Variants in RPUSD4 observed in about 807,000 individuals in gnomAD.
RPUSD4 encodes pseudouridylate synthase RPUSD4, mitochondrial.
RPUSD4 carries 37 observed loss-of-function variants against 35.4 expected under a neutral mutation model. The observed-to-expected ratio is 1.04, with a 90% CI of 0.80 to 1.37. The LOEUF (loss-of-function observed/expected upper bound fraction) is 1.37, where lower values mean the gene tolerates loss of function less well. Ranked by LOEUF, RPUSD4 falls within the 40% of genes most tolerant of loss-of-function variation. The probability of loss-of-function intolerance (pLI) is 0.00; values close to 1 mark genes in which losing one functional copy is unlikely to be tolerated. For synonymous variants in RPUSD4, 210 were observed against 192.7 expected (o/e 1.09, Z -0.74); for missense variants, 507 against 484.9 (o/e 1.05, Z -0.43).
chr11:126,209,480 T>A, intron 3 of RPUSD4, 41 bp downstream of exon 3: 1 of 1,534,490 alleles, frequency 6.5e-7, no homozygotes, highest in Admixed American at 1.8e-5. Context: ...AAGAAATGCC[T>A]CCACTTATAC....
At chr11:126,208,632 A>G (rs1949800781) in intron 3 of RPUSD4, 1 of 152,276 alleles carries the variant, frequency 6.6e-6, no homozygotes, top group Non-Finnish European at 1.5e-5. Context: ...AGTATAATGT[A>G]AATTGTACAA....
rs777725298 is a variant in RPUSD4, at chr11:126,205,632, GAT to G, written c.652-22_652-21del. ...TGTCATCTGAAGCCAAAGAAATCAA[GAT>G]ATGATTCCCAAGGAAGAGCAGCAAC... On this transcript the variant is annotated intron_variant, in intron 4 of 6. Transcript: ENST00000298317. 3 of 1,613,852 alleles carry G rather than the reference GAT, an allele frequency of 1.9e-6. No homozygotes were observed. Among genetic ancestry groups the G allele is most frequent in the Admixed American group, 3.3e-5 (2 of 60,010 alleles).
At chr11:126,206,359 C>T (rs1190319865) in intron 3 of RPUSD4, 1 of 151,888 alleles carries the variant, frequency 6.6e-6, no homozygotes, top group African/African-American at 2.4e-5. Flanking sequence ...CAAGACCAGC[C>T]TGGCCAACAT....
chr11:126,210,864 C>G (rs757239727), intron 2 of RPUSD4, 26 bp downstream of exon 2: 3 of 1,601,196 alleles, frequency 1.9e-6, no homozygotes, highest in Non-Finnish European at 1.7e-6. Context: ...CTGCAGGTTC[C>G]TCCACCTTTC....
chr11:126,211,628 G>C lies in RPUSD4; in HGVS notation c.11C>G (p.Pro4Arg). 6.2e-7 allele frequency: 1 copy of C among 1,612,806 alleles called. No individual in the cohort carries two copies. Residue 4 changes from proline to arginine, a missense_variant, in exon 1 of 7, where the codon CCC becomes CGC. By Grantham distance (103) the Pro-to-Arg change is moderately radical (BLOSUM62 -2). Transcript: ENST00000298317. The stretch of plus-strand genomic sequence containing the variant: ...CCAGGGGCCCGACGCGCTCCACCTG[G>C]GCGCCGCCATCTTACAAGGAAGGGC... MAA[P>R]RWSASGPWIR...
Position 126,205,552 on chromosome 11 carries a change from G to A in RPUSD4, c.712C>T (p.Arg238Trp), listed in dbSNP as rs1456455681. Residue 238 changes from arginine (R) to tryptophan (W), a missense_variant, in exon 5 of 7, where the codon CGG becomes TGG. Transcript: ENST00000298317. ...TGAGTTACAGCAACTTGCGCATTCC[G>A]GCTGCGCCGCACTTTCACCATTTTC... The part of the protein sequence containing the change: ...DGKMVKVRRS[R>W]NAQVAVTQYQ... The A allele has an allele frequency of 6.8e-6, 11 of 1,614,150 alleles. No individual in the cohort carries two copies. Among genetic ancestry groups the A allele is most frequent in the Admixed American group, 1.7e-5 (1 of 60,002 alleles).
At chr11:126,210,553 CCT>C (rs1949843507) in intron 2 of RPUSD4, among the ~76,000 whole-genome samples, 1 of 67,642 alleles carries the variant, frequency 1.5e-5, no homozygotes, top group South Asian at 6.3e-4. Flanking sequence ...ACACACACCC[CCT>C]TTTTTCTTAT....
At chr11:126,208,359 G>A (rs1949796289) in intron 3 of RPUSD4, among the ~76,000 whole-genome samples, 2 of 152,172 alleles carry the variant, frequency 1.3e-5, no homozygotes, top group African/African-American at 4.8e-5. Context: ...TAAGATATAT[G>A]ATCCAAGTGA....
At chr11:126,208,200 T>G (rs1347461444) in intron 3 of RPUSD4, among the ~76,000 whole-genome samples, 2 of 152,166 alleles carry the variant, frequency 1.3e-5, no homozygotes, top group African/African-American at 4.8e-5. Flanking sequence ...AGCGATTCAA[T>G]TTTTAGAAAT....
chr11:126,203,671 G>C lies in RPUSD4; in HGVS notation c.895-14C>G, dbSNP rs558519166. 8 of 1,604,838 alleles carry C rather than the reference G, an allele frequency of 5.0e-6. No individual in the cohort carries two copies. The highest frequency in any genetic ancestry group is 5.1e-6 in the Non-Finnish European group (6 of 1,173,386). On this transcript the variant is annotated splice_polypyrimidine_tract_variant and intron_variant, in intron 6 of 6. Transcript: ENST00000298317. ...CACAGACAGCTTCTATACAAAGAAA[G>C]GACAGACCCTTGAGAGCAAGGCCAA...
chr11:126,204,279 T>C lies in RPUSD4; in HGVS notation c.846A>G (p.Pro282=). 1 of 1,613,836 alleles carries C rather than the reference T, an allele frequency of 6.2e-7. No individual in the cohort carries two copies. Among genetic ancestry groups the C allele is most frequent in the Non-Finnish European group, 8.5e-7 (1 of 1,179,972 alleles). The change falls in exon 6 of 7, where the codon CCA becomes CCG. Residue 282 remains proline, a synonymous_variant. Coordinates refer to ENST00000298317, the MANE Select transcript of RPUSD4 (RefSeq NM_032795.3). ...CTGAGTACTTGTGATCACCAAGGAT[T>C]GGACAATCCAATCCAAAAGACAAGT... is the stretch of plus-strand genomic sequence containing the variant. ...RVHLSFGLDC[P]ILGDHKYSDW...
chr11:126,210,956 G>C lies in RPUSD4; in HGVS notation c.289C>G (p.Arg97Gly), dbSNP rs200939674. The C allele has an allele frequency of 6.2e-7, 1 of 1,614,018 alleles. No individual in the cohort carries two copies. ...HPNVLAKALT[R>G]GILHQDKNLV... is the part of the protein sequence containing the mutation. The stretch of plus-strand genomic sequence containing the variant: ...TTCTTGTCCTGGTGGAGAATTCCTC[G>C]GGTCAGTGCCTTAGCAAGCACGTTG... Residue 97 changes from arginine (R) to glycine (G), a missense_variant, in exon 2 of 7, where the codon CGA (arginine) becomes GGA (glycine). Arg to Gly is a moderately radical substitution (Grantham distance 125). Coordinates refer to ENST00000298317, the MANE Select transcript of RPUSD4 (RefSeq NM_032795.3).
chr11:126,209,489 A>G (rs939867899), intron 3 of RPUSD4, 32 bp downstream of exon 3: 1 of 1,576,730 alleles, frequency 6.3e-7, no homozygotes, highest in Non-Finnish European at 8.7e-7. Flanking sequence ...CTCCACTTAT[A>G]CCACCTCTAC....
At chr11:126,207,162 A>G (rs1357674665) in intron 3 of RPUSD4, among the ~76,000 whole-genome samples, 4 of 152,236 alleles carry the variant, frequency 2.6e-5, no homozygotes, top group African/African-American at 9.6e-5. Flanking sequence ...TTATTTAACT[A>G]TCTCATAAAT....
At chr11:126,211,230 G>A in intron 1 of RPUSD4, 175 bp from the exon 2 acceptor site, 2 of 927,626 alleles carry the variant, frequency 2.2e-6, no homozygotes, top group Non-Finnish European at 3.3e-6. Context: ...GCGTACCGAC[G>A]CAGTGGTTAG....
At position 126,203,600 on chromosome 11, in the gene RPUSD4, T is replaced by C. The variant is rs1192855075; in HGVS notation, c.952A>G (p.Ile318Val). The C allele has an allele frequency of 1.9e-6, 3 of 1,614,182 alleles. No individual in the cohort carries two copies. The highest frequency in any genetic ancestry group is 1.3e-5 in the African/African-American group (1 of 75,046). Residue 318 changes from isoleucine (I) to valine (V), a missense_variant, in exon 7 of 7, where the codon ATC becomes GTC. Coordinates refer to ENST00000298317, the MANE Select transcript of RPUSD4 (RefSeq NM_032795.3). The stretch of plus-strand genomic sequence containing the variant: ...TGCCGGGCGTGCAGGTGAAGGGGGA[T>C]GTAGCGGGCCTTCGACTGTTCTAGC... ...LGLEQSKARY[I>V]PLHLHARQLI...
chr11:126,205,503 A>G lies in RPUSD4; in HGVS notation c.761T>C (p.Leu254Pro). Residue 254 changes from leucine to proline, a missense_variant, in exon 5 of 7, where the codon CTC (leucine) becomes CCC (proline). Leu to Pro is a moderately conservative substitution (Grantham distance 98). Transcript: ENST00000298317. ...CTGGAGCTCCACGAGGGCGGAGGAG[A>G]GAGTGCTGCTGAGCACCTGGTACTG... ...VTQYQVLSSTLSSALVELQPI... is the reference protein window; with the variant it reads ...VTQYQVLSSTPSSALVELQPI... 1.9e-6 allele frequency: 3 copies of G among 1,614,258 alleles called. No homozygotes were observed. The highest frequency in any genetic ancestry group is 2.5e-6 in the Non-Finnish European group (3 of 1,180,050).
chr11:126,211,603 C>G lies in RPUSD4; in HGVS notation c.36G>C (p.Trp12Cys). Residue 12 changes from tryptophan to cysteine, a missense_variant, in exon 1 of 7, where the codon TGG becomes TGC. By Grantham distance (215) the Trp-to-Cys change is radical. Transcript: ENST00000298317. ...AAPRWSASGP[W>C]IRGNGQGCGS... ...CGCAACCTTGGCCGTTTCCCCGGAT[C>G]CAGGGGCCCGACGCGCTCCACCTGG... 5.0e-6 allele frequency: 8 copies of G among 1,614,030 alleles called. No individual in the cohort carries two copies. The highest frequency in any genetic ancestry group is 6.8e-6 in the Non-Finnish European group (8 of 1,180,018).
At chr11:126,206,159 A>C (rs1303233654) in intron 3 of RPUSD4, 1 of 159,948 alleles carries the variant, frequency 6.3e-6, no homozygotes, top group Non-Finnish European at 1.4e-5. Flanking sequence ...ATGGTAAATG[A>C]ACAAATGAAT....
Sources: gnomAD v4.1 joint callset for allele counts (sites outside exome capture counted in the v4.1 genomes callset) on GRCh38, gnomAD v4.1.1 for gene constraint, MANE v1.5 for transcripts, NCBI Gene and HGNC (gene_info 2026-07-23, HGNC 2026-07-21) for gene names.